TRABD2B: variants seen among roughly 807,000 people sequenced by gnomAD.
TRABD2B encodes the protein metalloprotease TIKI2.
In TRABD2B, 14 loss-of-function variants were observed where a neutral mutation model predicts 40.1. The ratio of observed to expected loss-of-function variants is 0.35; its 90% CI spans 0.23 to 0.55. The LOEUF (loss-of-function observed/expected upper bound fraction) is 0.55. Ranked by LOEUF, TRABD2B falls within the 20% of genes least tolerant of loss-of-function variation. The pLI is 0.90. For missense variants in TRABD2B, 541 were observed against 648.6 expected (o/e 0.83, Z 1.80); for synonymous variants, 263 against 277.0 (o/e 0.95, Z 0.50).
At chr1:47,951,250 T>C (rs985065414) in intron 2 of TRABD2B, among the ~76,000 whole-genome samples, 2 of 152,186 alleles carry the variant, frequency 1.3e-5, no homozygotes, top group Non-Finnish European at 2.9e-5. Flanking sequence ...AGGAGGGCAT[T>C]GTCTGCTGAA....
intron 2 of TRABD2B, among the ~76,000 whole-genome samples, chr1:47,811,142 G>A (rs1644959658): frequency 6.6e-6 from 1 of 152,176 alleles, no homozygotes. Context: ...GAAGTCACGG[G>A]GAGTCTGGGC....
chr1:47,860,766 T>C (rs1206092000), intron 2 of TRABD2B, among the ~76,000 whole-genome samples: 1 of 152,202 alleles, frequency 6.6e-6, no homozygotes, highest in Non-Finnish European at 1.5e-5. Flanking sequence ...TAATGAGTTC[T>C]TGCTCTCATG....
At chr1:47,795,550 G>T in intron 3 of TRABD2B, 2 of 593,834 alleles carry the variant, frequency 3.4e-6, no homozygotes, top group Non-Finnish European at 4.2e-6. Flanking sequence ...TTCTGATGCT[G>T]CGTGGCACCG....
intron 2 of TRABD2B, among the ~76,000 whole-genome samples, chr1:47,925,074 C>G (rs976717858): frequency 1.3e-5 from 2 of 152,092 alleles, no homozygotes; most frequent in African/African-American, 2.4e-5. Flanking sequence ...ACTGATCAAG[C>G]CTTTTTGAAA....
At chr1:47,851,414 A>C (rs1645547867) in intron 2 of TRABD2B, among the ~76,000 whole-genome samples, 1 of 152,196 alleles carries the variant, frequency 6.6e-6, no homozygotes, top group Admixed American at 6.5e-5. Flanking sequence ...AGTCACAAGA[A>C]TGTATGTGAA....
intron 2 of TRABD2B, among the ~76,000 whole-genome samples, chr1:47,897,628 C>T (rs1177783572): frequency 6.6e-6 from 1 of 152,190 alleles, no homozygotes; most frequent in Non-Finnish European, 1.5e-5. Context: ...GTATTCATCA[C>T]CTTTCTTCGT....
At chr1:47,829,382 G>A (rs1645219901) in intron 2 of TRABD2B, among the ~76,000 whole-genome samples, 1 of 152,134 alleles carries the variant, frequency 6.6e-6, no homozygotes, top group Admixed American at 6.5e-5. Flanking sequence ...GCTGCAGCTT[G>A]AAGAACCTGA....
chr1:47,990,290 G>C (rs1645981838), intron 2 of TRABD2B, among the ~76,000 whole-genome samples: 4 of 152,168 alleles, frequency 2.6e-5, no homozygotes, highest in Admixed American at 2.0e-4. Context: ...GCCATGCAGG[G>C]AGTTGAAGGG....
chr1:47,854,212 T>G (rs11808034), intron 2 of TRABD2B, among the ~76,000 whole-genome samples: 6,104 of 152,242 alleles, frequency 0.04, 247 homozygotes, highest in East Asian at 0.15. Flanking sequence ...TATGTCAGAT[T>G]CTTAGCACAA....
intron 4 of TRABD2B, among the ~76,000 whole-genome samples, chr1:47,786,753 G>A (rs1644600939): frequency 1.3e-5 from 2 of 152,096 alleles, no homozygotes; most frequent in South Asian, 4.2e-4. Flanking sequence ...CTGTCACCCA[G>A]GCTGGAGTGC....
intron 2 of TRABD2B, among the ~76,000 whole-genome samples, chr1:47,958,050 A>T (rs1291793686): frequency 6.6e-6 from 1 of 152,242 alleles, no homozygotes; most frequent in African/African-American, 2.4e-5. Flanking sequence ...GTAGGGGTCA[A>T]TATTCAACAT....
intron 4 of TRABD2B, among the ~76,000 whole-genome samples, chr1:47,791,194 G>A (rs1032725937): frequency 4.6e-5 from 7 of 152,144 alleles, no homozygotes; most frequent in Admixed American, 2.0e-4. Flanking sequence ...CCAGGCAGGC[G>A]GAGGCTCAAT....
intron 2 of TRABD2B, among the ~76,000 whole-genome samples, chr1:47,886,354 C>T (rs1036033336): frequency 2.6e-5 from 4 of 152,208 alleles, no homozygotes; most frequent in Non-Finnish European, 4.4e-5. Flanking sequence ...CCGTTCCACT[C>T]GGCTCGGGCT....
At chr1:47,947,206 T>A (rs1645271382) in intron 2 of TRABD2B, among the ~76,000 whole-genome samples, 1 of 152,216 alleles carries the variant, frequency 6.6e-6, no homozygotes, top group South Asian at 2.1e-4. Flanking sequence ...TATTTTGTCA[T>A]CTCTACTAAT....
chr1:47,917,160 G>A (rs1644840877), intron 2 of TRABD2B, among the ~76,000 whole-genome samples: 1 of 152,314 alleles, frequency 6.6e-6, no homozygotes, highest in South Asian at 2.1e-4. Flanking sequence ...GGAAGTTGGT[G>A]GGCCACAGAG....
chr1:47,808,137 C>T (rs768083175), intron 2 of TRABD2B, among the ~76,000 whole-genome samples: 15 of 152,144 alleles, frequency 9.9e-5, no homozygotes, highest in Non-Finnish European at 1.5e-4. Context: ...AGTTGAAGGC[C>T]TTACTAGAAA....
intron 6 of TRABD2B, among the ~76,000 whole-genome samples, 153 bp downstream of exon 6, chr1:47,775,017 A>C (rs1644424257): frequency 6.6e-6 from 1 of 152,234 alleles, no homozygotes; most frequent in Non-Finnish European, 1.5e-5. Context: ...AAACTGAAAA[A>C]TCAGATGGGA....
At chr1:47,968,972 A>C (rs981969242) in intron 2 of TRABD2B, among the ~76,000 whole-genome samples, 1 of 152,202 alleles carries the variant, frequency 6.6e-6, no homozygotes, top group East Asian at 1.9e-4. Context: ...TGCAGACTAA[A>C]GAAAGATATC....
chr1:47,969,402 G>C (rs1450343144), intron 2 of TRABD2B, among the ~76,000 whole-genome samples: 5 of 152,170 alleles, frequency 3.3e-5, no homozygotes, highest in African/African-American at 1.2e-4. Context: ...CCGTGCAGAG[G>C]GAGATGAGAC....
Sources: allele counts gnomAD v4.1 joint callset (sites outside exome capture counted in the v4.1 genomes callset), GRCh38; gene constraint gnomAD v4.1.1; transcripts MANE v1.5; gene names NCBI Gene and HGNC (gene_info 2026-07-23, HGNC 2026-07-21).